COPS9: variants seen among roughly 807,000 people sequenced by gnomAD.
COPS9 encodes COP9 signalosome complex subunit 9.
In COPS9, 8 loss-of-function variants were observed where a neutral mutation model predicts 7.2. The observed-to-expected ratio is 1.11, with a 90% CI of 0.65 to 2.00. COPS9 has a LOEUF of 2.00. COPS9 is among the 30% of genes most tolerant of loss of function. COPS9 has a pLI of 0.00. For synonymous variants in COPS9, 39 were observed against 28.7 expected (o/e 1.36, Z -1.14); for missense variants, 74 against 77.7 (o/e 0.95, Z 0.18).
intron 2 of COPS9, among the ~76,000 whole-genome samples, chr2:240,131,998 C>T (rs981466472): frequency 6.6e-6 from 1 of 152,166 alleles, no homozygotes; most frequent in African/African-American, 2.4e-5. Context: ...CACTGATGCA[C>T]CCCCACGTCC....
At chr2:240,135,520 T>A (rs1328050092) in intron 1 of COPS9, among the ~76,000 whole-genome samples, 1 of 152,138 alleles carries the variant, frequency 6.6e-6, no homozygotes, top group African/African-American at 2.4e-5. Context: ...GGCCTGCCAC[T>A]CTGAGCTAGG....
At chr2:240,130,026 C>T (rs768655416), downstream of COPS9, 26 of 1,611,090 alleles carry the variant, frequency 1.6e-5, no homozygotes, top group East Asian at 5.4e-4. Flanking sequence ...CAGTCCTGAG[C>T]TGCTGAGCCC....
Position 240,136,273 on chromosome 2 carries a change from C to T in COPS9, c.12G>A (p.Ala4=), listed in dbSNP as rs924787199. 2 of 1,571,124 alleles carry T rather than the reference C, an allele frequency of 1.3e-6. No individual in the cohort carries two copies. The highest frequency in any genetic ancestry group is 1.2e-5 in the South Asian group (1 of 86,052). The change falls in exon 1 of 3, where the codon GCG becomes GCA. Residue 4 remains alanine, a synonymous_variant. Coordinates refer to ENST00000607357, the MANE Select transcript of COPS9 (RefSeq NM_001163424.2). The part of the protein sequence containing the change: MKP[A]VDEMFPEGAG... ...CGCCCTCGGGGAACATCTCGTCCAC[C>T]GCCGGCTTCATCTCGGGGCCGCGGC...
Position 240,132,181 on chromosome 2 carries a change from A to G in COPS9, c.137-1093T>C, listed in dbSNP as rs1244048023. Among the ~76,000 whole-genome samples the G allele has an allele frequency of 6.6e-6, 1 of 152,118 alleles. No homozygotes were observed. Among genetic ancestry groups the G allele is most frequent in the African/African-American group, 2.4e-5 (1 of 41,422 alleles). On this transcript the variant is annotated intron_variant, in intron 2 of 2. Transcript: ENST00000607357. The surrounding 1 kb of genome is among the most constrained non-coding windows in gnomAD (Gnocchi z 4.1). ...TCCACGCTTTGCCAGGGCTCTTGTCACAGTCCAGCCCCTGCCTGCTGACTT... is the reference window on the plus strand; with the variant it reads ...TCCACGCTTTGCCAGGGCTCTTGTCGCAGTCCAGCCCCTGCCTGCTGACTT...
At chr2:240,133,650 T>C (rs1190008996) in intron 2 of COPS9, among the ~76,000 whole-genome samples, 1 of 152,182 alleles carries the variant, frequency 6.6e-6, no homozygotes, top group South Asian at 2.1e-4. Context: ...CAGTCTGAGG[T>C]GTCCGCAGGC....
Position 240,130,840 on chromosome 2 carries a change from C to A in COPS9, c.*211G>T, listed in dbSNP as rs762091848. 6.4e-6 allele frequency: 9 copies of A among 1,404,980 alleles called. No individual in the cohort carries two copies. The highest frequency in any genetic ancestry group is 8.3e-6 in the Non-Finnish European group (9 of 1,084,160). The allele number at this position is 1,404,980 out of a possible 1,614,324, so 87.0% of individuals were successfully genotyped here. A position where few individuals can be genotyped will look rare whatever the true frequency, so the allele number is the denominator to read the frequency against. Reference sequence around the variant, plus strand: ...ATCACTCCACATGTGACATTGCTTTCTTTTAATTGGAGTGAGGACAAAACC... The same window carrying A: ...ATCACTCCACATGTGACATTGCTTTATTTTAATTGGAGTGAGGACAAAACC... On this transcript the variant is annotated 3_prime_UTR_variant, in exon 3 of 3. Transcript: ENST00000607357.
chr2:240,130,358 G>T (rs1229692464), downstream of COPS9, among the ~76,000 whole-genome samples: 1 of 152,172 alleles, frequency 6.6e-6, no homozygotes, highest in African/African-American at 2.4e-5. Context: ...AGCCAGTATC[G>T]ACTACTGAGC....
At chr2:240,136,112 C>A (rs2071988093) in intron 1 of COPS9, 110 bp downstream of exon 1, 3 of 1,322,926 alleles carry the variant, frequency 2.3e-6, no homozygotes, top group African/African-American at 1.6e-5. Flanking sequence ...CCGCGCCCAT[C>A]GCCCACCCGC....
downstream of COPS9, chr2:240,130,746 A>C: frequency 8.6e-7 from 1 of 1,167,502 alleles, no homozygotes; most frequent in Non-Finnish European, 1.1e-6. Flanking sequence ...ATGCACGCAC[A>C]TGCATGCACA....
intron 1 of COPS9, among the ~76,000 whole-genome samples, chr2:240,134,473 C>T (rs147455530): frequency 1.4e-3 from 220 of 152,254 alleles, no homozygotes; most frequent in Non-Finnish European, 2.7e-3. Context: ...TATCATGGAC[C>T]GTCCACTGCC....
intron 2 of COPS9, among the ~76,000 whole-genome samples, chr2:240,131,814 C>T (rs192286127): frequency 4.6e-5 from 7 of 152,274 alleles, no homozygotes; most frequent in Admixed American, 6.5e-5. Context: ...ACATGTACTG[C>T]GCACTGAAAA....
intron 1 of COPS9, among the ~76,000 whole-genome samples, chr2:240,135,470 C>T (rs555684729): frequency 6.6e-6 from 1 of 152,300 alleles, no homozygotes; most frequent in Non-Finnish European, 1.5e-5. Flanking sequence ...AGCCCCTAAG[C>T]TTTGAGAAAG....
intron 1 of COPS9, 153 bp from the exon 2 acceptor site, chr2:240,134,158 A>G: frequency 1.5e-6 from 1 of 659,218 alleles, no homozygotes; most frequent in South Asian, 1.8e-5. Context: ...AGACACAGGA[A>G]TGTGTATTGG....
At chr2:240,127,281 C>T (rs1325922160), downstream of COPS9, among the ~76,000 whole-genome samples, 1 of 151,046 alleles carries the variant, frequency 6.6e-6, no homozygotes, top group East Asian at 1.9e-4. Context: ...ATGACCCCAC[C>T]TTACAGCTCA....
At chr2:240,126,878 A>G (rs892191976), downstream of COPS9, 4 of 1,614,104 alleles carry the variant, frequency 2.5e-6, 1 homozygote, top group Middle Eastern at 1.6e-4. Flanking sequence ...CCCCCTGCCC[A>G]TGGCCTGTGC....
intron 2 of COPS9, 134 bp downstream of exon 2, chr2:240,133,799 T>C: frequency 1.2e-6 from 1 of 824,996 alleles, no homozygotes; most frequent in Non-Finnish European, 2.0e-6. Flanking sequence ...GAGGCTGCAC[T>C]GCATTCTGAG....
At chr2:240,130,062 G>C, downstream of COPS9, 1 of 1,562,446 alleles carries the variant, frequency 6.4e-7, no homozygotes, top group Non-Finnish European at 8.8e-7. Flanking sequence ...GCTCCATCAG[G>C]ATGACAGGGT....
intron 1 of COPS9, among the ~76,000 whole-genome samples, chr2:240,135,602 AAT>A (rs1234707070): frequency 6.6e-6 from 1 of 152,190 alleles, no homozygotes; most frequent in African/African-American, 2.4e-5. Context: ...CTGTGAACAC[AAT>A]AGAGACCAAC....
intron 1 of COPS9, among the ~76,000 whole-genome samples, chr2:240,135,073 C>CCTCTTTA (rs2071961905): frequency 6.6e-6 from 1 of 152,074 alleles, no homozygotes; most frequent in Admixed American, 6.6e-5. Flanking sequence ...ACAGAGCCAC[C>CCTCTTTA]CTCTTTAGCA....
Sources: allele counts gnomAD v4.1 joint callset (sites outside exome capture counted in the v4.1 genomes callset), GRCh38; gene constraint gnomAD v4.1.1; non-coding constraint Gnocchi (gnomAD v3.1); transcripts MANE v1.5; gene names NCBI Gene and HGNC (gene_info 2026-07-23, HGNC 2026-07-21).